DCDC1: variants seen among roughly 807,000 people sequenced by gnomAD.
DCDC1 encodes doublecortin domain-containing protein 1.
A neutral mutation model predicts 178.3 loss-of-function variants in DCDC1; 200 were observed. That is an observed-to-expected ratio of 1.12 (90% CI 1.00 to 1.26). The LOEUF is 1.26. Ranked by LOEUF, DCDC1 falls within the 50% of genes most tolerant of loss-of-function variation. The probability of loss-of-function intolerance (pLI) is 0.00; values close to 1 mark genes in which losing one functional copy is unlikely to be tolerated. For missense variants in DCDC1, 1,983 were observed against 1,749.2 expected, an observed-to-expected ratio of 1.13 and a Z score of -2.38; for synonymous variants, 690 against 604.8, an observed-to-expected ratio of 1.14 and a Z score of -2.07.
intron 9 of DCDC1, among the ~76,000 whole-genome samples, chr11:31,156,692 G>C (rs1310448195): frequency 6.6e-6 from 1 of 152,102 alleles, no homozygotes. Context: ...CATAGCCCAG[G>C]GACAGGTCTG....
At chr11:31,315,305 CCTTTTTT>C (rs1284499576) in intron 3 of DCDC1, among the ~76,000 whole-genome samples, 9 of 111,108 alleles carry the variant, frequency 8.1e-5, no homozygotes, top group South Asian at 6.3e-4. Flanking sequence ...ATTTGCATAC[CCTTTTTT>C]TTTTTTTTTT....
intron 9 of DCDC1, among the ~76,000 whole-genome samples, chr11:31,192,204 T>C (rs1018899793): frequency 1.3e-5 from 2 of 152,110 alleles, no homozygotes; most frequent in Non-Finnish European, 2.9e-5. Context: ...GTTCTAACTG[T>C]TCTTTCTGCT....
intron 20 of DCDC1, among the ~76,000 whole-genome samples, chr11:31,020,420 T>C (rs981799517): frequency 6.6e-6 from 1 of 152,036 alleles, no homozygotes; most frequent in African/African-American, 2.4e-5. Flanking sequence ...CCATGACAAC[T>C]CTAAAACACA....
chr11:30,893,942 G>A (rs1943995749), intron 35 of DCDC1, among the ~76,000 whole-genome samples: 1 of 152,196 alleles, frequency 6.6e-6, no homozygotes, highest in East Asian at 1.9e-4. Context: ...AATGAAGCCA[G>A]AAGGCTCAAC....
intron 21 of DCDC1, among the ~76,000 whole-genome samples, chr11:30,947,992 T>C (rs1948161946): frequency 6.6e-6 from 1 of 152,122 alleles, no homozygotes; most frequent in Non-Finnish European, 1.5e-5. Context: ...GTATTGGAAG[T>C]GGCTGGCCCA....
In DCDC1 at chr11:30,964,308, G is replaced by T. The variant is rs75006083; in HGVS notation, c.2592-11740C>A. ...TTCATAAGTTCTAGACATCATCTCA[G>T]GTTCAGGAACCACCTCTTTGTGTTC... On this transcript the variant is annotated intron_variant, in intron 20 of 38. Transcript: ENST00000684477. 1.7e-3 allele frequency among the ~76,000 whole-genome samples: 258 copies of T among 152,204 alleles called. 3 individuals are homozygous for T. The East Asian group carries it at 0.032, about 19-fold the overall frequency.
intron 8 of DCDC1, among the ~76,000 whole-genome samples, chr11:31,264,568 T>C (rs554734087): frequency 1.3e-5 from 2 of 152,262 alleles, no homozygotes; most frequent in Admixed American, 1.3e-4. Context: ...ATTACCTAAC[T>C]TCTCTGTACC....
At chr11:30,978,000 A>T (rs1430951756) in intron 20 of DCDC1, among the ~76,000 whole-genome samples, 1 of 152,230 alleles carries the variant, frequency 6.6e-6, no homozygotes, top group African/African-American at 2.4e-5. Flanking sequence ...TGATTGATGT[A>T]TATTGCCATA....
intron 38 of DCDC1, among the ~76,000 whole-genome samples, chr11:30,875,306 C>T (rs1942014414): frequency 6.6e-6 from 1 of 152,110 alleles, no homozygotes; most frequent in Non-Finnish European, 1.5e-5. Context: ...CTCTTTCATT[C>T]TACTTACCTA....
At chr11:31,183,551 A>G (rs1376990169) in intron 9 of DCDC1, among the ~76,000 whole-genome samples, 1 of 152,214 alleles carries the variant, frequency 6.6e-6, no homozygotes, top group African/African-American at 2.4e-5. Context: ...GTTTCAGCCC[A>G]AAATCTCCTT....
At chr11:31,268,696 C>T (rs189524008) in intron 7 of DCDC1, among the ~76,000 whole-genome samples, 183 of 152,238 alleles carry the variant, frequency 1.2e-3, no homozygotes, top group Non-Finnish European at 1.8e-3. Flanking sequence ...CGAGTGCATG[C>T]GTCATTTTGG....
chr11:30,887,980 G>T (rs192300657), intron 36 of DCDC1, among the ~76,000 whole-genome samples: 1 of 146,976 alleles, frequency 6.8e-6, no homozygotes, highest in East Asian at 2.0e-4. Context: ...TCCAGCCTGG[G>T]CAACAAGAGC....
At chr11:31,330,127 G>C (rs1466542238) in intron 2 of DCDC1, among the ~76,000 whole-genome samples, 2 of 152,144 alleles carry the variant, frequency 1.3e-5, no homozygotes, top group Non-Finnish European at 2.9e-5. Flanking sequence ...TTGTGGTTTT[G>C]ATTTGCATTT....
chr11:31,050,265 G>C (rs936668386), intron 20 of DCDC1, among the ~76,000 whole-genome samples: 1 of 152,052 alleles, frequency 6.6e-6, no homozygotes, highest in Non-Finnish European at 1.5e-5. Context: ...GCATGACTCA[G>C]CAGAGTCAGC....
At chr11:30,894,783 A>G (rs866233537) in intron 34 of DCDC1, among the ~76,000 whole-genome samples, 77 of 152,154 alleles carry the variant, frequency 5.1e-4, no homozygotes, top group African/African-American at 1.8e-3. Flanking sequence ...CCTTTCCCCC[A>G]CAATTAGCTT....
intron 22 of DCDC1, among the ~76,000 whole-genome samples, chr11:30,927,099 T>G (rs1946634253): frequency 6.6e-6 from 1 of 152,028 alleles, no homozygotes; most frequent in Admixed American, 6.6e-5. Context: ...GTCATGTGCT[T>G]TCTCCTTTTC....
Position 31,330,316 on chromosome 11 carries a change from G to T in DCDC1, c.-6-2030C>A, listed in dbSNP as rs916370974. 9.2e-5 allele frequency among the ~76,000 whole-genome samples: 14 copies of T among 152,154 alleles called. 1 individual carries two copies. Among genetic ancestry groups the T allele is most frequent in the African/African-American group, 2.7e-4 (11 of 41,432 alleles). On this transcript the variant is annotated intron_variant, in intron 2 of 38. Coordinates refer to ENST00000684477, the MANE Select transcript of DCDC1 (RefSeq NM_001387274.1). ...ATATAAGCCCTTTGTCAGATAGGTA[G>T]ATGGCAAAAATTTTCTCCCATTCTG...
intron 3 of DCDC1, among the ~76,000 whole-genome samples, chr11:31,311,017 T>C (rs991004715): frequency 2.0e-5 from 3 of 152,196 alleles, no homozygotes; most frequent in Non-Finnish European, 4.4e-5. Flanking sequence ...CTCTTCTTCA[T>C]ACATCATTAT....
At chr11:31,211,548 A>G (rs551810437) in intron 9 of DCDC1, among the ~76,000 whole-genome samples, 1 of 152,200 alleles carries the variant, frequency 6.6e-6, no homozygotes, top group Non-Finnish European at 1.5e-5. Flanking sequence ...TCGAGATTAC[A>G]TGAGTTAATT....
Sources: gnomAD v4.1 joint callset for allele counts (sites outside exome capture counted in the v4.1 genomes callset) on GRCh38, gnomAD v4.1.1 for gene constraint, MANE v1.5 for transcripts, NCBI Gene and HGNC (gene_info 2026-07-23, HGNC 2026-07-21) for gene names.